The following CHUK variants were observed in gnomAD, a reference collection of about 807,000 sequenced individuals.
CHUK encodes component of inhibitor of nuclear factor kappa B kinase complex, also known as inhibitor of nuclear factor kappa-B kinase subunit alpha.
A neutral mutation model predicts 104.8 loss-of-function variants in CHUK; 35 were observed. The observed-to-expected ratio is 0.33, with a 90% CI of 0.26 to 0.44. CHUK has a LOEUF of 0.44. Ranked by LOEUF, CHUK falls within the 20% of genes least tolerant of loss-of-function variation. CHUK has a pLI of 1.00. For synonymous variants in CHUK, 276 were observed against 291.9 expected (o/e 0.95, Z 0.56); for missense variants, 663 against 902.7 (o/e 0.73, Z 3.40).
chr10:100,192,262 T>C (rs1845223136), intron 19 of CHUK, among the ~76,000 whole-genome samples: 1 of 152,234 alleles, frequency 6.6e-6, no homozygotes, highest in Non-Finnish European at 1.5e-5. Context: ...AAAACTTAAA[T>C]GCCTTTAATA....
intron 1 of CHUK, among the ~76,000 whole-genome samples, chr10:100,227,561 T>C (rs1215512405): frequency 6.6e-6 from 1 of 151,908 alleles, no homozygotes; most frequent in Non-Finnish European, 1.5e-5. Context: ...TTTTTTTTTT[T>C]AGTGTGTTAT....
At position 100,197,420 on chromosome 10, in the gene CHUK, T is replaced by C. The variant is rs575645054; in HGVS notation, c.1729+2551A>G. ...TGAGCAGCCAAGCTTCTGAGAATAG[T>C]CTAGATAAGCAGTTCTCAAACTTTT... On this transcript the variant is annotated intron_variant, in intron 16 of 20. Transcript: ENST00000370397. 5.3e-5 allele frequency among the ~76,000 whole-genome samples: 8 copies of C among 152,310 alleles called. No individual in the cohort carries two copies. In the South Asian group the frequency reaches 1.7e-3, roughly 32 times the overall value.
rs367911679 is a variant in CHUK at position 100,220,191 on chromosome 10, C to T, written c.474+397G>A. Among the ~76,000 whole-genome samples, 19 of 151,372 alleles carry T rather than the reference C, an allele frequency of 1.3e-4. No homozygotes were observed. In the East Asian group the frequency reaches 2.1e-3, roughly 17 times the overall value. On this transcript the variant is annotated intron_variant, in intron 5 of 20. Transcript: ENST00000370397. ...CTTTCTTTTTTTTCTTAAAGTGGAC[C>T]CAGGATGTGCATGTATGTGTTTTGG...
At chr10:100,200,392 G>A in intron 15 of CHUK, among the ~76,000 whole-genome samples, 1 of 152,162 alleles carries the variant, frequency 6.6e-6, no homozygotes, top group East Asian at 1.9e-4. Context: ...GAGGTATAAT[G>A]AGTAGGGAAA....
chr10:100,204,263 C>T (rs889526235), intron 13 of CHUK, among the ~76,000 whole-genome samples: 2 of 152,120 alleles, frequency 1.3e-5, no homozygotes, highest in Non-Finnish European at 2.9e-5. Flanking sequence ...ATTATTAAAT[C>T]GCACCTGTAT....
chr10:100,206,169 A>G (rs1201235420), intron 11 of CHUK, among the ~76,000 whole-genome samples: 1 of 152,208 alleles, frequency 6.6e-6, no homozygotes, highest in Non-Finnish European at 1.5e-5. Context: ...AAATGTGAAT[A>G]AAGTATGGGC....
At position 100,194,188 on chromosome 10, in the gene CHUK, A is replaced by G. The variant is rs1314229587; in HGVS notation, c.1827-57T>C. 1.9e-6 allele frequency: 3 copies of G among 1,589,692 alleles called. No homozygotes were observed. In the East Asian group the frequency reaches 6.7e-5, roughly 36 times the overall value. ...CACATGCCCCAAGACTGTACACCAT[A>G]TTCCCAAAACCCAGCTGAGGAAATG... On this transcript the variant is annotated intron_variant, in intron 17 of 20. Transcript: ENST00000370397.
chr10:100,190,810 G>A, intron 20 of CHUK, 59 bp downstream of exon 20: 1 of 955,728 alleles, frequency 1.0e-6, no homozygotes, highest in Non-Finnish European at 1.7e-6. Flanking sequence ...AGCATGGAAA[G>A]TTAAACCTTT....
Position 100,203,506 on chromosome 10 carries a change from A to G in CHUK, c.1507+1000T>C, listed in dbSNP as rs140240385. ...TCTGGAGAGTAAATTCATTCACCCA[A>G]CTGGACACTATTGATTGTTTACTCT... On this transcript the variant is annotated intron_variant, in intron 13 of 20. Transcript: ENST00000370397. Among the ~76,000 whole-genome samples, 956 of 152,074 alleles carry G rather than the reference A, an allele frequency of 6.3e-3. 8 individuals carry two copies. Among genetic ancestry groups the G allele is most frequent in the South Asian group, 0.017 (84 of 4,822 alleles).
At position 100,193,286 on chromosome 10, in the gene CHUK, A is replaced by G. The variant is rs1385855126; in HGVS notation, c.2108+12T>C. The G allele has an allele frequency of 1.2e-6, 2 of 1,613,968 alleles. No individual in the cohort carries two copies. The highest frequency in any genetic ancestry group is 1.1e-5 in the South Asian group (1 of 91,072). On this transcript the variant is annotated intron_variant, in intron 19 of 20. Coordinates refer to ENST00000370397, the MANE Select transcript of CHUK (RefSeq NM_001278.5). ...GAAAACACAGCTATCTATTGTTACA[A>G]AGTAAACCCACCCATCTTGAGGAGT...
chr10:100,228,208 A>G (rs1846148239), intron 1 of CHUK, among the ~76,000 whole-genome samples: 1 of 152,218 alleles, frequency 6.6e-6, no homozygotes, highest in Admixed American at 6.5e-5. Flanking sequence ...AACAAAGCCT[A>G]TATTACAGGA....
intron 1 of CHUK, among the ~76,000 whole-genome samples, chr10:100,226,977 T>G (rs1046446574): frequency 6.6e-6 from 1 of 152,220 alleles, no homozygotes; most frequent in Non-Finnish European, 1.5e-5. Context: ...GACTGCATGC[T>G]AGCCTACCCA....
intron 9 of CHUK, among the ~76,000 whole-genome samples, chr10:100,210,091 A>ATTTATTTATTTAT (rs58570772): frequency 2.5e-5 from 3 of 121,802 alleles, no homozygotes; most frequent in African/African-American, 9.0e-5. Context: ...TTATTTATTT[A>ATTTATTTATTTAT]TTTTTTTTTT....
At chr10:100,193,520 T>C in intron 18 of CHUK, 89 bp from the exon 19 acceptor site, 1 of 1,443,108 alleles carries the variant, frequency 6.9e-7, no homozygotes, top group East Asian at 2.3e-5. Context: ...AAGACTTACA[T>C]TTCCGTTACT....
intron 14 of CHUK, among the ~76,000 whole-genome samples, chr10:100,201,741 T>G (rs1845467512): frequency 6.6e-6 from 1 of 152,134 alleles, no homozygotes; most frequent in Admixed American, 6.5e-5. Context: ...TTGTCCCAGC[T>G]ACACAGGAGG....
intron 2 of CHUK, among the ~76,000 whole-genome samples, chr10:100,224,044 G>T (rs1787428374): frequency 6.6e-6 from 1 of 152,000 alleles, no homozygotes; most frequent in Admixed American, 6.6e-5. Context: ...TCCAAGTAAA[G>T]ATCATAAAAG....
chr10:100,193,793 G>A, intron 18 of CHUK, 191 bp downstream of exon 18: 1 of 635,524 alleles, frequency 1.6e-6, no homozygotes, highest in South Asian at 1.9e-5. Flanking sequence ...CAGAGAAATT[G>A]GAAAGGAGAG....
chr10:100,187,347 C>CGGAA (rs914576549), downstream of CHUK: 6 of 152,216 alleles, frequency 3.9e-5, no homozygotes, highest in Non-Finnish European at 8.8e-5. Context: ...TAAAGCAAGA[C>CGGAA]TTCCCAGACC....
At chr10:100,192,318 C>G (rs1287320829) in intron 19 of CHUK, 1 of 152,244 alleles carries the variant, frequency 6.6e-6, no homozygotes, top group Non-Finnish European at 1.5e-5. Flanking sequence ...TCCTTCAACT[C>G]TGATTACTGG....
Sources: allele counts gnomAD v4.1 joint callset (sites outside exome capture counted in the v4.1 genomes callset), GRCh38; gene constraint gnomAD v4.1.1; transcripts MANE v1.5; gene names NCBI Gene and HGNC (gene_info 2026-07-23, HGNC 2026-07-21).